CSMD1: variants seen among roughly 807,000 people sequenced by gnomAD.
The protein encoded by CSMD1 is CUB and sushi domain-containing protein 1.
CSMD1 carries 213 observed loss-of-function variants against 417.5 expected under a neutral mutation model. The ratio of observed to expected loss-of-function variants is 0.51; its 90% confidence interval spans 0.46 to 0.57. The LOEUF (loss-of-function observed/expected upper bound fraction) is 0.57. CSMD1 is among the 20% of genes least tolerant of loss of function. CSMD1 has a pLI of 0.00. For synonymous variants in CSMD1, 2,862 were observed against 1,736.8 expected (o/e 1.65, Z -16.11); for missense variants, 6,923 against 4,529.7 (o/e 1.53, Z -15.17).
At chr8:4,438,307 G>GT (rs1798262797) in intron 2 of CSMD1, among the ~76,000 whole-genome samples, 1 of 152,186 alleles carries the variant, frequency 6.6e-6, no homozygotes, top group Non-Finnish European at 1.5e-5. Context: ...CATGGAGGTG[G>GT]TGTCTGAAGC....
chr8:4,826,848 G>T (rs1237986581), intron 1 of CSMD1, among the ~76,000 whole-genome samples: 1 of 152,044 alleles, frequency 6.6e-6, no homozygotes, highest in Non-Finnish European at 1.5e-5. Flanking sequence ...TGTTATTAGT[G>T]CCAGCTGACG....
chr8:4,165,077 G>C (rs1241154479), intron 3 of CSMD1, among the ~76,000 whole-genome samples: 1 of 152,056 alleles, frequency 6.6e-6, no homozygotes, highest in African/African-American at 2.4e-5. Flanking sequence ...GTTTAGGTGG[G>C]TACAGATGTG....
intron 1 of CSMD1, among the ~76,000 whole-genome samples, chr8:4,647,907 T>TA (rs1803640001): frequency 6.6e-6 from 1 of 152,244 alleles, no homozygotes; most frequent in African/African-American, 2.4e-5. Context: ...AGTAGAACGA[T>TA]TTATATTCCT....
intron 5 of CSMD1, among the ~76,000 whole-genome samples, chr8:3,983,018 G>A (rs1013718624): frequency 6.6e-6 from 1 of 152,134 alleles, no homozygotes; most frequent in East Asian, 1.9e-4. Flanking sequence ...AGACAGCACA[G>A]CGGGATAAAT....
At chr8:4,298,357 C>T (rs186587150) in intron 3 of CSMD1, among the ~76,000 whole-genome samples, 1 of 152,220 alleles carries the variant, frequency 6.6e-6, no homozygotes, top group African/African-American at 2.4e-5. Flanking sequence ...CATCAGTTTA[C>T]TGTAATAGTT....
intron 49 of CSMD1, among the ~76,000 whole-genome samples, chr8:3,071,326 G>C (rs1301059588): frequency 6.6e-6 from 1 of 152,052 alleles, no homozygotes; most frequent in East Asian, 1.9e-4. Flanking sequence ...ACAGGGAAGG[G>C]AACATCACAC....
At chr8:3,823,710 G>T (rs1008624721) in intron 5 of CSMD1, among the ~76,000 whole-genome samples, 7 of 151,922 alleles carry the variant, frequency 4.6e-5, no homozygotes, top group Admixed American at 6.6e-5. Context: ...TTTAACTTAC[G>T]CTTGAATCAA....
At chr8:2,974,303 G>A (rs1247215469) in intron 56 of CSMD1, 148 bp downstream of exon 56, 10 of 672,528 alleles carry the variant, frequency 1.5e-5, no homozygotes, top group African/African-American at 7.2e-5. Flanking sequence ...TAAGAGCGGC[G>A]TATTTGGCTA....
rs184082301 is a variant in CSMD1, at chr8:4,601,259, T to C, written c.302+36083A>G. Among the ~76,000 whole-genome samples the C allele has an allele frequency of 1.6e-3, 237 of 152,188 alleles. 2 individuals are homozygous for C. In the Middle Eastern group the frequency reaches 0.034, roughly 22 times the overall value. ...GCGTGAGCCACCGCACCTGGCCAGA[T>C]TTTTTTTAAAAAGCATGAGAATAAG... On this transcript the variant is annotated intron_variant, in intron 2 of 69. Coordinates refer to ENST00000635120, the MANE Select transcript of CSMD1 (RefSeq NM_033225.6).
chr8:3,978,904 C>G (rs1813643061), intron 5 of CSMD1, among the ~76,000 whole-genome samples: 1 of 152,168 alleles, frequency 6.6e-6, no homozygotes, highest in South Asian at 2.1e-4. Flanking sequence ...AGTGAGAAGA[C>G]AAGGAATTAG....
intron 50 of CSMD1, among the ~76,000 whole-genome samples, chr8:3,040,776 C>T (rs1307875251): frequency 6.6e-6 from 1 of 152,192 alleles, no homozygotes; most frequent in East Asian, 1.9e-4. Flanking sequence ...GCACTCCAGC[C>T]TGGGTGGCAG....
At chr8:4,233,330 A>C (rs1055421741) in intron 3 of CSMD1, among the ~76,000 whole-genome samples, 1 of 152,190 alleles carries the variant, frequency 6.6e-6, no homozygotes, top group African/African-American at 2.4e-5. Context: ...ACCTCTCTTC[A>C]TTGACATATT....
At chr8:4,814,758 G>C (rs1799111035) in intron 1 of CSMD1, among the ~76,000 whole-genome samples, 1 of 152,028 alleles carries the variant, frequency 6.6e-6, no homozygotes, top group South Asian at 2.1e-4. Context: ...TGAGATCATT[G>C]ATAAGGAAAT....
chr8:4,462,867 A>C (rs1799921808), intron 2 of CSMD1, among the ~76,000 whole-genome samples: 1 of 152,146 alleles, frequency 6.6e-6, no homozygotes, highest in Non-Finnish European at 1.5e-5. Context: ...AACTCTTTGA[A>C]GAAAATATAG....
Position 2,942,483 on chromosome 8 carries a change from G to A in CSMD1, c.10524C>T (p.Leu3508=). The A allele has an allele frequency of 1.2e-6, 2 of 1,612,754 alleles. No homozygotes were observed. The highest frequency in any genetic ancestry group is 1.7e-6 in the Non-Finnish European group (2 of 1,179,264). The change falls in exon 69 of 70, where the codon CTC becomes CTT. Residue 3508 remains leucine, a synonymous_variant. Coordinates refer to ENST00000635120, the MANE Select transcript of CSMD1 (RefSeq NM_033225.6). ...TGTTTCTGCAGTACCTGTGTTTGTA[G>A]AGGTAAAATGCAAACCCTGATAAAA... ...ALILSGFAFY[L]YKHRTRPKVQ... is the part of the protein sequence containing the mutation.
At chr8:4,962,268 T>C (rs1809549240) in intron 1 of CSMD1, among the ~76,000 whole-genome samples, 1 of 151,958 alleles carries the variant, frequency 6.6e-6, no homozygotes, top group Non-Finnish European at 1.5e-5. Context: ...TGGAGTACAG[T>C]GTCACAGTCA....
At chr8:4,442,360 C>G (rs182507753) in intron 2 of CSMD1, among the ~76,000 whole-genome samples, 8 of 152,146 alleles carry the variant, frequency 5.3e-5, no homozygotes, top group Non-Finnish European at 1.0e-4. Context: ...CATTCCCACA[C>G]GTTTGCCTAG....
At chr8:4,399,873 A>G (rs372190367) in intron 3 of CSMD1, among the ~76,000 whole-genome samples, 26 of 152,334 alleles carry the variant, frequency 1.7e-4, no homozygotes, top group East Asian at 1.5e-3. Context: ...AAAGTGTACC[A>G]AAGTAGTAAA....
At chr8:4,088,577 G>T (rs1482204072) in intron 3 of CSMD1, among the ~76,000 whole-genome samples, 1 of 152,128 alleles carries the variant, frequency 6.6e-6, no homozygotes, top group Non-Finnish European at 1.5e-5. Flanking sequence ...CATTTCCTGA[G>T]ACTATACCTC....
Sources: gnomAD v4.1 joint callset for allele counts (sites outside exome capture counted in the v4.1 genomes callset) on GRCh38, gnomAD v4.1.1 for gene constraint, MANE v1.5 for transcripts, NCBI Gene and HGNC (gene_info 2026-07-23, HGNC 2026-07-21) for gene names.